The following MAP4K3 variants were observed in gnomAD, a reference collection of about 807,000 sequenced individuals.
MAP4K3 encodes the protein MAPK/ERK kinase kinase kinase 3.
MAP4K3 carries 94 observed loss-of-function variants against 143.5 expected under a neutral mutation model. The observed-to-expected ratio is 0.65, with a 90% CI of 0.55 to 0.78. The LOEUF (loss-of-function observed/expected upper bound fraction) is 0.78, where lower values mean the gene tolerates loss of function less well. Ranked by LOEUF, MAP4K3 falls within the 30% of genes least tolerant of loss-of-function variation. The probability of loss-of-function intolerance (pLI) is 0.00; values close to 1 mark genes in which losing one functional copy is unlikely to be tolerated. For missense variants in MAP4K3, 1,077 were observed against 1,068.1 expected, an observed-to-expected ratio of 1.01 and a Z score of -0.12; for synonymous variants, 416 against 347.2, an observed-to-expected ratio of 1.20 and a Z score of -2.20.
At chr2:39,297,924 C>T (rs1278074503) in intron 16 of MAP4K3, among the ~76,000 whole-genome samples, 1 of 152,096 alleles carries the variant, frequency 6.6e-6, no homozygotes, top group Non-Finnish European at 1.5e-5. Context: ...AATAACTATA[C>T]ACTACGAAAA....
chr2:39,393,288 T>C (rs1666717218), intron 1 of MAP4K3, among the ~76,000 whole-genome samples: 1 of 152,216 alleles, frequency 6.6e-6, no homozygotes. Context: ...TTTACACAGC[T>C]GATGGTAGTC....
intron 12 of MAP4K3, among the ~76,000 whole-genome samples, chr2:39,321,497 C>T (rs868450896): frequency 2.6e-5 from 4 of 152,294 alleles, no homozygotes; most frequent in African/African-American, 7.2e-5. Context: ...CAGGTATTGT[C>T]CAAGGTTTCT....
chr2:39,361,689 A>C (rs1665775254), intron 2 of MAP4K3, among the ~76,000 whole-genome samples: 1 of 151,284 alleles, frequency 6.6e-6, no homozygotes, highest in African/African-American at 2.4e-5. Context: ...TTTAAACATT[A>C]TTTAAACTAC....
At chr2:39,415,314 A>G (rs1459436163) in intron 1 of MAP4K3, among the ~76,000 whole-genome samples, 1 of 152,226 alleles carries the variant, frequency 6.6e-6, no homozygotes, top group Non-Finnish European at 1.5e-5. Context: ...GGAAAATTTG[A>G]CAAGTTCTGC....
intron 13 of MAP4K3, among the ~76,000 whole-genome samples, 169 bp from the exon 14 acceptor site, chr2:39,309,688 G>A (rs1200007574): frequency 6.7e-6 from 1 of 149,962 alleles, no homozygotes; most frequent in African/African-American, 2.5e-5. Flanking sequence ...CTCCCGAGTA[G>A]CTGGGACTAC....
chr2:39,390,088 A>G (rs923658025), intron 1 of MAP4K3, among the ~76,000 whole-genome samples: 2 of 152,216 alleles, frequency 1.3e-5, no homozygotes, highest in Non-Finnish European at 2.9e-5. Context: ...AAAGTAGTAT[A>G]TAACAGTGAT....
chr2:39,418,552 G>A (rs975477187), intron 1 of MAP4K3, among the ~76,000 whole-genome samples: 4 of 152,124 alleles, frequency 2.6e-5, no homozygotes, highest in Admixed American at 6.5e-5. Flanking sequence ...GTGGGGAAAA[G>A]TAGTTTTACA....
At chr2:39,280,635 A>T (rs1681477492) in intron 22 of MAP4K3, among the ~76,000 whole-genome samples, 1 of 152,192 alleles carries the variant, frequency 6.6e-6, no homozygotes, top group South Asian at 2.1e-4. Context: ...AAGCAATAAT[A>T]GGAACCAATT....
chr2:39,344,554 G>C (rs146786376), intron 3 of MAP4K3, among the ~76,000 whole-genome samples: 1 of 152,148 alleles, frequency 6.6e-6, no homozygotes, highest in African/African-American at 2.4e-5. Flanking sequence ...GAGCTTAGTC[G>C]TGGTGACAGA....
intron 1 of MAP4K3, among the ~76,000 whole-genome samples, chr2:39,411,490 G>A (rs974922612): frequency 6.6e-6 from 1 of 152,142 alleles, no homozygotes; most frequent in Non-Finnish European, 1.5e-5. Flanking sequence ...TGCCAGGTAT[G>A]GTGCCGGGTA....
chr2:39,260,466 T>A (rs976704195), intron 29 of MAP4K3, 140 bp downstream of exon 29: 2 of 681,214 alleles, frequency 2.9e-6, no homozygotes, highest in East Asian at 2.8e-5. Context: ...AAGAGAGTAA[T>A]CTTCCCTTCT....
intron 12 of MAP4K3, among the ~76,000 whole-genome samples, chr2:39,322,337 C>T (rs575125661): frequency 2.0e-5 from 3 of 152,148 alleles, no homozygotes; most frequent in East Asian, 1.9e-4. Flanking sequence ...TTTACCTTCC[C>T]GGCTTAAACA....
chr2:39,352,621 T>C (rs189547702), intron 3 of MAP4K3, among the ~76,000 whole-genome samples: 1 of 152,206 alleles, frequency 6.6e-6, no homozygotes, highest in South Asian at 2.1e-4. Flanking sequence ...CTACTTTTAT[T>C]GTAGGTATAT....
At chr2:39,412,392 A>C (rs1667255746) in intron 1 of MAP4K3, among the ~76,000 whole-genome samples, 1 of 152,208 alleles carries the variant, frequency 6.6e-6, no homozygotes, top group African/African-American at 2.4e-5. Context: ...GAAGCTGGAG[A>C]TATAACAAGG....
intron 26 of MAP4K3, among the ~76,000 whole-genome samples, chr2:39,267,927 AT>A (rs1370821759): frequency 3.3e-5 from 5 of 152,184 alleles, no homozygotes; most frequent in Admixed American, 2.0e-4. Context: ...CAATTACTGA[AT>A]TAGTAACTTT....
intron 2 of MAP4K3, among the ~76,000 whole-genome samples, chr2:39,370,593 C>CT (rs1304575115): frequency 3.3e-5 from 5 of 152,142 alleles, no homozygotes; most frequent in Non-Finnish European, 7.4e-5. Context: ...CTTATTGGTA[C>CT]TTTTTTGCAC....
chr2:39,313,284 G>A (rs562678384), intron 13 of MAP4K3, among the ~76,000 whole-genome samples: 2 of 152,044 alleles, frequency 1.3e-5, no homozygotes, highest in South Asian at 2.1e-4. Context: ...AACTTGCATC[G>A]CGGGGGTTTA....
At chr2:39,368,105 A>C (rs565593771) in intron 2 of MAP4K3, among the ~76,000 whole-genome samples, 2 of 152,278 alleles carry the variant, frequency 1.3e-5, no homozygotes, top group South Asian at 2.1e-4. Flanking sequence ...GCCCAAAATA[A>C]GGAAGGTACC....
At chr2:39,293,293 AAAT>A (rs768962779) in intron 16 of MAP4K3, 25 bp from the exon 17 acceptor site, 4 of 1,343,420 alleles carry the variant, frequency 3.0e-6, no homozygotes, top group East Asian at 2.4e-5. Flanking sequence ...CAAAAACAAA[AAAT>A]AATGTGAATA....
Sources: allele counts gnomAD v4.1 joint callset (sites outside exome capture counted in the v4.1 genomes callset), GRCh38; gene constraint gnomAD v4.1.1; transcripts MANE v1.5; gene names NCBI Gene and HGNC (gene_info 2026-07-23, HGNC 2026-07-21).